The following CLIC4 variants were observed in gnomAD, a reference collection of about 807,000 sequenced individuals.
CLIC4 encodes chloride intracellular channel protein 4.
In CLIC4, 13 loss-of-function variants were observed where a neutral mutation model predicts 24.6. That is an observed-to-expected ratio of 0.53 (90% CI 0.34 to 0.84). The LOEUF is 0.84. Among genes scored for constraint, CLIC4 ranks in the 40% least tolerant of loss-of-function variants. The pLI is 0.01. For synonymous variants in CLIC4, 104 were observed against 111.3 expected, an observed-to-expected ratio of 0.93 and a Z score of 0.41; for missense variants, 227 against 301.7, an observed-to-expected ratio of 0.75 and a Z score of 1.83.
At chr1:24,758,988 C>G (rs1638887404) in intron 1 of CLIC4, among the ~76,000 whole-genome samples, 1 of 151,972 alleles carries the variant, frequency 6.6e-6, no homozygotes, top group Non-Finnish European at 1.5e-5. Flanking sequence ...AAAAGAAACT[C>G]AGATTTTGCC....
At chr1:24,750,045 A>G (rs1263246881) in intron 1 of CLIC4, among the ~76,000 whole-genome samples, 1 of 152,160 alleles carries the variant, frequency 6.6e-6, no homozygotes, top group Non-Finnish European at 1.5e-5. Flanking sequence ...TGATCGTGCC[A>G]CTGCACTCCA....
At chr1:24,827,848 T>C (rs1269959807) in intron 4 of CLIC4, among the ~76,000 whole-genome samples, 1 of 151,960 alleles carries the variant, frequency 6.6e-6, no homozygotes, top group Admixed American at 6.6e-5. Context: ...AACCTTGTCT[T>C]AACTACAGCA....
At chr1:24,755,496 A>C in intron 1 of CLIC4, among the ~76,000 whole-genome samples, 1 of 151,438 alleles carries the variant, frequency 6.6e-6, no homozygotes, top group Middle Eastern at 3.4e-3. Context: ...CTCTAGACCT[A>C]GCTTTGGCAG....
chr1:24,830,678 T>C (rs1639831260), intron 4 of CLIC4, among the ~76,000 whole-genome samples: 1 of 152,202 alleles, frequency 6.6e-6, no homozygotes, highest in South Asian at 2.1e-4. Flanking sequence ...CTGTGTTCTC[T>C]TAGACAAGAA....
chr1:24,794,684 C>T (rs1008259731), intron 1 of CLIC4, among the ~76,000 whole-genome samples: 50 of 152,212 alleles, frequency 3.3e-4, no homozygotes, highest in African/African-American at 1.1e-3. Flanking sequence ...TTCTGCTGTG[C>T]GGAAACTCTT....
At chr1:24,828,859 T>C (rs1639812962) in intron 4 of CLIC4, among the ~76,000 whole-genome samples, 2 of 152,204 alleles carry the variant, frequency 1.3e-5, no homozygotes, top group Admixed American at 6.5e-5. Context: ...TAATACATGG[T>C]ACATAATCTA....
In CLIC4 at chr1:24,843,141, C is replaced by G. The variant is rs181248401; in HGVS notation, c.*2204C>G. On this transcript the variant is annotated 3_prime_UTR_variant, in exon 6 of 6. Coordinates refer to ENST00000374379, the MANE Select transcript of CLIC4 (RefSeq NM_013943.3). ...CTCTAAATGTTCTAGGAAGGCATGTCTATTGTGATTTTGATGAAGACAGAA... is the reference window on the plus strand; with the variant it reads ...CTCTAAATGTTCTAGGAAGGCATGTGTATTGTGATTTTGATGAAGACAGAA... 1.3e-5 allele frequency: 2 copies of G among 152,278 alleles called. No individual in the cohort carries two copies. Among genetic ancestry groups the G allele is most frequent in the East Asian group, 3.9e-4 (2 of 5,190 alleles). 9.4% of individuals were successfully genotyped at this position (152,278 alleles called of 1,614,324 possible).
chr1:24,798,013 C>A, intron 2 of CLIC4, 162 bp downstream of exon 2: 2 of 565,138 alleles, frequency 3.5e-6, no homozygotes, highest in Non-Finnish European at 6.2e-6. Context: ...TTGGACAAGT[C>A]ACGCTGTCAG....
At chr1:24,811,681 G>A (rs1463893485) in intron 2 of CLIC4, among the ~76,000 whole-genome samples, 2 of 152,002 alleles carry the variant, frequency 1.3e-5, no homozygotes, top group Non-Finnish European at 2.9e-5. Context: ...TCACTATGTT[G>A]CCCAGGCTGG....
chr1:24,753,539 G>A (rs1333569137), intron 1 of CLIC4, among the ~76,000 whole-genome samples: 1 of 152,178 alleles, frequency 6.6e-6, no homozygotes, highest in Admixed American at 6.5e-5. Flanking sequence ...GAATGGGAAT[G>A]TGAGTTTTGA....
chr1:24,804,960 C>G (rs1639532044), intron 2 of CLIC4, among the ~76,000 whole-genome samples: 1 of 151,428 alleles, frequency 6.6e-6, no homozygotes, highest in African/African-American at 2.4e-5. Flanking sequence ...ATTAGTCGGG[C>G]ATGGTGGTGA....
At chr1:24,769,278 T>G (rs1639044936) in intron 1 of CLIC4, among the ~76,000 whole-genome samples, 1 of 152,206 alleles carries the variant, frequency 6.6e-6, no homozygotes, top group South Asian at 2.1e-4. Flanking sequence ...GATCAGTAAG[T>G]TTTTGTTTCC....
chr1:24,753,433 C>T (rs1571227648), intron 1 of CLIC4, among the ~76,000 whole-genome samples: 1 of 152,188 alleles, frequency 6.6e-6, no homozygotes, highest in East Asian at 1.9e-4. Flanking sequence ...AAGTGGGGCT[C>T]ACATTAAGTA....
intron 2 of CLIC4, among the ~76,000 whole-genome samples, chr1:24,809,955 A>G (rs1470388400): frequency 1.3e-5 from 2 of 152,234 alleles, no homozygotes; most frequent in East Asian, 3.8e-4. Context: ...TATAATTATG[A>G]AAGTTTTCAA....
At chr1:24,829,022 G>A (rs188708495) in intron 4 of CLIC4, among the ~76,000 whole-genome samples, 142 of 152,214 alleles carry the variant, frequency 9.3e-4, no homozygotes, top group Admixed American at 1.9e-3. Context: ...TATGTTTGCC[G>A]CAGGCCTCAG....
intron 1 of CLIC4, among the ~76,000 whole-genome samples, chr1:24,789,413 G>A (rs1389118792): frequency 6.6e-6 from 1 of 152,168 alleles, no homozygotes; most frequent in Admixed American, 6.5e-5. Context: ...AGCTATTCGG[G>A]AGGTTGAGAC....
At chr1:24,825,041 A>G (rs892434215) in intron 3 of CLIC4, among the ~76,000 whole-genome samples, 1 of 117,572 alleles carries the variant, frequency 8.5e-6, no homozygotes, top group Non-Finnish European at 1.9e-5. Context: ...CACACACACA[A>G]AAGTACAAAA....
In CLIC4 at chr1:24,745,539, G is replaced by A. The variant is rs1638675946; in HGVS notation, c.-15G>A. The A allele has an allele frequency of 1.9e-6, 3 of 1,577,902 alleles. No homozygotes were observed. In the East Asian group the frequency reaches 7.1e-5, roughly 37 times the overall value. On this transcript the variant is annotated 5_prime_UTR_variant, in exon 1 of 6. Coordinates refer to ENST00000374379, the MANE Select transcript of CLIC4 (RefSeq NM_013943.3). ...CAGCAGCCCTCGCCGTTCGCGGAGCGCAGCCGAGCCGGCCATGGCGTTGTC... is the reference window on the plus strand; with the variant it reads ...CAGCAGCCCTCGCCGTTCGCGGAGCACAGCCGAGCCGGCCATGGCGTTGTC...
chr1:24,779,922 A>C (rs1014289191), intron 1 of CLIC4, among the ~76,000 whole-genome samples: 1 of 152,136 alleles, frequency 6.6e-6, no homozygotes. Context: ...TCTGTTTTCC[A>C]TATGGCAGAG....
Sources: gnomAD v4.1 joint callset for allele counts (sites outside exome capture counted in the v4.1 genomes callset) on GRCh38, gnomAD v4.1.1 for gene constraint, MANE v1.5 for transcripts, NCBI Gene and HGNC (gene_info 2026-07-23, HGNC 2026-07-21) for gene names.